STAU1: variants seen among roughly 807,000 people sequenced by gnomAD.
The protein encoded by STAU1 is double-stranded RNA-binding protein Staufen homolog 1.
Under a neutral mutation model 62.9 loss-of-function variants are expected in STAU1, and 13 were observed. That is an observed-to-expected ratio of 0.21 (90% confidence interval 0.13 to 0.33). The LOEUF (loss-of-function observed/expected upper bound fraction) is 0.33. Among genes scored for constraint, STAU1 ranks in the 10% least tolerant of loss-of-function variants. The pLI is 1.00. For missense variants in STAU1, 571 were observed against 712.1 expected (o/e 0.80, Z 2.25); for synonymous variants, 269 against 265.1 (o/e 1.01, Z -0.14).
chr20:49,128,457 A>C (rs2092680049), intron 6 of STAU1, among the ~76,000 whole-genome samples: 1 of 152,150 alleles, frequency 6.6e-6, no homozygotes, highest in Admixed American at 6.6e-5. Context: ...CACCACTCCC[A>C]ATTAGAAGGA....
intron 1 of STAU1, among the ~76,000 whole-genome samples, chr20:49,175,465 ATGTTTAGGCT>A (rs1356854177): frequency 6.6e-6 from 1 of 152,060 alleles, no homozygotes; most frequent in Non-Finnish European, 1.5e-5. Context: ...ATATCTCATA[ATGTTTAGGCT>A]TTGTTTGTTC....
chr20:49,137,541 C>T (rs1235453691), intron 5 of STAU1, among the ~76,000 whole-genome samples: 1 of 152,178 alleles, frequency 6.6e-6, no homozygotes, highest in Admixed American at 6.5e-5. Flanking sequence ...AGTCCTGCTT[C>T]TGAGATTAGA....
chr20:49,194,705 A>G, the STAU1 span, among the ~76,000 whole-genome samples: 1 of 152,004 alleles, frequency 6.6e-6, no homozygotes, highest in East Asian at 1.9e-4. Context: ...CGGCAGCCCA[A>G]GTAGCTGGGA....
intron 3 of STAU1, among the ~76,000 whole-genome samples, chr20:49,160,321 A>G (rs934281729): frequency 6.6e-6 from 1 of 152,214 alleles, no homozygotes; most frequent in African/African-American, 2.4e-5. Flanking sequence ...GATTTTATTC[A>G]AGGCTTGAGG....
the STAU1 span, among the ~76,000 whole-genome samples, chr20:49,211,298 G>T: frequency 6.6e-6 from 1 of 151,236 alleles, no homozygotes; most frequent in Non-Finnish European, 1.5e-5. Flanking sequence ...ACAAGGATTT[G>T]TTTGAGTCCT....
At chr20:49,116,812 C>T (rs1033447520) in intron 12 of STAU1, among the ~76,000 whole-genome samples, 2 of 152,116 alleles carry the variant, frequency 1.3e-5, no homozygotes, top group Admixed American at 1.3e-4. Context: ...CCTGCAATTC[C>T]TTGTTCTGGT....
intron 6 of STAU1, among the ~76,000 whole-genome samples, chr20:49,129,183 G>A (rs2092696903): frequency 6.8e-6 from 1 of 147,888 alleles, no homozygotes; most frequent in South Asian, 2.2e-4. Context: ...ATAAAAACAC[G>A]AAAAGAAGCT....
At chr20:49,152,486 G>A (rs1333144258) in intron 4 of STAU1, among the ~76,000 whole-genome samples, 1 of 151,750 alleles carries the variant, frequency 6.6e-6, no homozygotes, top group Non-Finnish European at 1.5e-5. Flanking sequence ...TGGGATTACA[G>A]GCACCTGCCA....
chr20:49,153,710 C>CAAAAAAA (rs145558067), intron 4 of STAU1, among the ~76,000 whole-genome samples: 169 of 67,590 alleles, frequency 2.5e-3, no homozygotes, highest in East Asian at 4.2e-3. Context: ...GACTCTGTCT[C>CAAAAAAA]AAAAAAAAAA....
At chr20:49,134,781 T>A in intron 6 of STAU1, 1 of 1,210,604 alleles carries the variant, frequency 8.3e-7, no homozygotes. Context: ...CTGGGAATCA[T>A]TAGTTTTCCC....
chr20:49,178,200 T>G (rs1254944963), intron 1 of STAU1, among the ~76,000 whole-genome samples: 1 of 152,148 alleles, frequency 6.6e-6, no homozygotes, highest in Non-Finnish European at 1.5e-5. Context: ...AAATGCACAT[T>G]TCCATATGCA....
At chr20:49,176,943 G>A (rs968412620) in intron 1 of STAU1, among the ~76,000 whole-genome samples, 110 of 144,848 alleles carry the variant, frequency 7.6e-4, no homozygotes, top group African/African-American at 2.6e-3. Flanking sequence ...ACAGAGTCTC[G>A]CTCTGTTGCC....
In STAU1 at chr20:49,134,562, T is replaced by A. The variant is rs1600675879; in HGVS notation, c.609+1271A>T. 3.1e-6 allele frequency: 4 copies of A among 1,296,734 alleles called. No homozygotes were observed. In the East Asian group the frequency reaches 9.4e-5, roughly 30 times the overall value. 80.3% of individuals were successfully genotyped at this position (1,296,734 alleles called of 1,614,324 possible). A position where few individuals can be genotyped will look rare whatever the true frequency, so the allele number is the denominator to read the frequency against. On this transcript the variant is annotated intron_variant, in intron 6 of 13. Transcript: ENST00000371856. ...GCACTGTTACCTATCAGAAGTCAAT[T>A]CAAAGGACCTGCCCCCAGAGAGACA... is the stretch of plus-strand genomic sequence containing the variant.
At chr20:49,219,197 G>A in the STAU1 span, 2 of 677,910 alleles carry the variant, frequency 3.0e-6, no homozygotes, top group Middle Eastern at 4.2e-4. Context: ...CTCAAATACT[G>A]CCACCGTTTT....
chr20:49,186,156 G>C (rs2093784452), intron 1 of STAU1, among the ~76,000 whole-genome samples: 1 of 151,992 alleles, frequency 6.6e-6, no homozygotes. Context: ...GACCAGTCTG[G>C]CCAACATGGC....
intron 1 of STAU1, among the ~76,000 whole-genome samples, chr20:49,185,567 T>C (rs1324441930): frequency 6.6e-6 from 1 of 152,192 alleles, no homozygotes; most frequent in Non-Finnish European, 1.5e-5. Context: ...TGGGGCAATC[T>C]GGTAAAAGTC....
At chr20:49,123,580 G>A (rs2092520231) in intron 7 of STAU1, among the ~76,000 whole-genome samples, 1 of 152,084 alleles carries the variant, frequency 6.6e-6, no homozygotes, top group South Asian at 2.1e-4. Flanking sequence ...TCTGAGCTAT[G>A]ATGGGTTCCC....
intron 3 of STAU1, among the ~76,000 whole-genome samples, chr20:49,158,208 G>C (rs1304576751): frequency 6.6e-6 from 1 of 152,104 alleles, no homozygotes. Flanking sequence ...CTTGAACCCG[G>C]GAGGTTGCGG....
At chr20:49,143,841 A>G (rs897746079) in intron 5 of STAU1, among the ~76,000 whole-genome samples, 2 of 152,196 alleles carry the variant, frequency 1.3e-5, no homozygotes, top group Non-Finnish European at 2.9e-5. Context: ...TCTAATTTGG[A>G]AGGCATATAT....
Sources: allele counts gnomAD v4.1 joint callset (sites outside exome capture counted in the v4.1 genomes callset), GRCh38; gene constraint gnomAD v4.1.1; transcripts MANE v1.5; gene names NCBI Gene and HGNC (gene_info 2026-07-23, HGNC 2026-07-21).